CDH4: variants seen among roughly 807,000 people sequenced by gnomAD.
CDH4 encodes the protein cadherin 4.
CDH4 carries 33 observed loss-of-function variants against 86.0 expected under a neutral mutation model. That is an observed-to-expected ratio of 0.38 (90% CI 0.29 to 0.51). The LOEUF (loss-of-function observed/expected upper bound fraction) is 0.51, where lower values mean the gene tolerates loss of function less well. CDH4 is among the 20% of genes least tolerant of loss of function. CDH4 has a pLI of 0.86. For missense variants in CDH4, 1,114 were observed against 1,307.4 expected (o/e 0.85, Z 2.28); for synonymous variants, 555 against 549.4 (o/e 1.01, Z -0.14).
At chr20:61,664,149 G>A in intron 2 of CDH4, among the ~76,000 whole-genome samples, 1 of 152,152 alleles carries the variant, frequency 6.6e-6, no homozygotes, top group East Asian at 1.9e-4. Flanking sequence ...TCTCCCCAGT[G>A]GAAATGCCTC....
At chr20:61,839,425 T>TGA (rs1415036799) in intron 4 of CDH4, among the ~76,000 whole-genome samples, 1 of 151,776 alleles carries the variant, frequency 6.6e-6, no homozygotes, top group Non-Finnish European at 1.5e-5. Flanking sequence ...CGTGTGTGTG[T>TGA]GATGTGTGTG....
intron 2 of CDH4, among the ~76,000 whole-genome samples, chr20:61,333,260 CAT>C (rs1189967770): frequency 2.0e-4 from 17 of 85,822 alleles, no homozygotes; most frequent in African/African-American, 5.4e-4. Flanking sequence ...TGCACACACA[CAT>C]GTACACACAC....
In CDH4 at chr20:61,848,435, A is replaced by G. The variant is rs528573153; in HGVS notation, c.732+3612A>G. ...CACTCAGGCTGGAATGCAGTGGTGC[A>G]ATCTCAGCTTACTGTAGCCTCAACC... On this transcript the variant is annotated intron_variant, in intron 5 of 15. Transcript: ENST00000614565. Among the ~76,000 whole-genome samples, 32 of 152,286 alleles carry G rather than the reference A, an allele frequency of 2.1e-4. No individual in the cohort carries two copies. The South Asian group carries it at 6.6e-3, about 32-fold the overall frequency.
At chr20:61,374,002 A>G (rs2084853564) in intron 2 of CDH4, among the ~76,000 whole-genome samples, 1 of 152,138 alleles carries the variant, frequency 6.6e-6, no homozygotes, top group South Asian at 2.1e-4. Flanking sequence ...TGTGGCTGGC[A>G]GTGCGCACGG....
chr20:61,439,328 G>C (rs901478737), intron 2 of CDH4, among the ~76,000 whole-genome samples: 1 of 148,690 alleles, frequency 6.7e-6, no homozygotes, highest in Non-Finnish European at 1.5e-5. Context: ...GCTCAGAGGC[G>C]TCAAACAGCT....
intron 2 of CDH4, among the ~76,000 whole-genome samples, chr20:61,556,384 G>A (rs534125280): frequency 4.6e-5 from 7 of 152,228 alleles, no homozygotes; most frequent in South Asian, 4.2e-4. Context: ...GGGTGGAGAC[G>A]GGGATGACAC....
At chr20:61,504,510 T>G (rs1227198567) in intron 2 of CDH4, among the ~76,000 whole-genome samples, 1 of 152,156 alleles carries the variant, frequency 6.6e-6, no homozygotes, top group Non-Finnish European at 1.5e-5. Context: ...GGGTGGCTTT[T>G]GAAGCCCATA....
At chr20:61,716,961 C>T (rs369889243) in intron 2 of CDH4, among the ~76,000 whole-genome samples, 1 of 152,084 alleles carries the variant, frequency 6.6e-6, no homozygotes, top group East Asian at 1.9e-4. Flanking sequence ...TATAACTGAC[C>T]TTGAGGCTGT....
intron 4 of CDH4, among the ~76,000 whole-genome samples, chr20:61,781,981 A>G (rs1978570546): frequency 1.3e-5 from 2 of 152,200 alleles, no homozygotes; most frequent in African/African-American, 4.8e-5. Flanking sequence ...CTACCAACCA[A>G]GAGTTTTATA....
chr20:61,358,880 C>T (rs74346868), intron 2 of CDH4, among the ~76,000 whole-genome samples: 4 of 152,154 alleles, frequency 2.6e-5, no homozygotes, highest in Non-Finnish European at 4.4e-5. Flanking sequence ...GCATGCTCAC[C>T]GTCAGTTTCA....
intron 11 of CDH4, among the ~76,000 whole-genome samples, chr20:61,926,715 A>G (rs2055048246): frequency 6.6e-6 from 1 of 152,196 alleles, no homozygotes; most frequent in South Asian, 2.1e-4. Flanking sequence ...TACTAAAAAA[A>G]TACAAAAATT....
At chr20:61,514,306 G>GCCCCCCCCCCCCCCCCCCCCCCCCCCC (rs1215793319) in intron 2 of CDH4, among the ~76,000 whole-genome samples, 1 of 125,816 alleles carries the variant, frequency 7.9e-6, no homozygotes, top group African/African-American at 3.2e-5. Flanking sequence ...GCCTCAGTCC[G>GCCCCCCCCCCCCCCCCCCCCCCCCCCC]CCCCCCCCGC....
In CDH4 at chr20:61,866,180, T is replaced by A. The variant is rs573104588; in HGVS notation, c.878-7548T>A. Among the ~76,000 whole-genome samples the A allele has an allele frequency of 2.0e-5, 3 of 152,204 alleles. No homozygotes were observed. The South Asian group carries it at 6.2e-4, about 32-fold the overall frequency. On this transcript the variant is annotated intron_variant, in intron 6 of 15. Coordinates refer to ENST00000614565, the MANE Select transcript of CDH4 (RefSeq NM_001794.5). Reference sequence around the variant, plus strand: ...CACCCCCTGGCATGGGGGATTTTGTTTATGAGCTTCAGCCCCTGGGGTATA... The same window carrying A: ...CACCCCCTGGCATGGGGGATTTTGTATATGAGCTTCAGCCCCTGGGGTATA...
chr20:61,679,637 G>A (rs565957107), intron 2 of CDH4, among the ~76,000 whole-genome samples: 1 of 152,348 alleles, frequency 6.6e-6, no homozygotes, highest in African/African-American at 2.4e-5. Context: ...TGCGGGGCAG[G>A]TGAGCAGCTG....
chr20:61,776,389 G>GGT (rs1401074232), intron 4 of CDH4, among the ~76,000 whole-genome samples: 2 of 152,168 alleles, frequency 1.3e-5, no homozygotes, highest in East Asian at 3.8e-4. Flanking sequence ...TTTGGCTTTG[G>GGT]GTGTCAGAAT....
At chr20:61,466,560 C>T (rs2085472325) in intron 2 of CDH4, among the ~76,000 whole-genome samples, 4 of 152,162 alleles carry the variant, frequency 2.6e-5, no homozygotes, top group Admixed American at 1.3e-4. Context: ...TCATTCTTTC[C>T]TGGCTGGGCA....
In CDH4 at chr20:61,275,705, G is replaced by A. The variant is rs141567968; in HGVS notation, c.169+20768G>A. ...TGTGCAGTTTGGGGGAGTACCGTGC[G>A]CAGTTTGGGGGCGTATCATGTGCAG... On this transcript the variant is annotated intron_variant, in intron 2 of 15. Transcript: ENST00000614565. Among the ~76,000 whole-genome samples, 916 of 144,058 alleles carry A rather than the reference G, an allele frequency of 6.4e-3. 14 individuals are homozygous for A. The highest frequency in any genetic ancestry group is 0.025 in the South Asian group (110 of 4,426). 94.5% of individuals were successfully genotyped at this position (144,058 alleles called of 152,430 possible). A position where few individuals can be genotyped will look rare whatever the true frequency, so the allele number is the denominator to read the frequency against.
intron 2 of CDH4, among the ~76,000 whole-genome samples, chr20:61,697,939 G>T (rs184752102): frequency 1.3e-5 from 2 of 152,358 alleles, no homozygotes; most frequent in East Asian, 3.9e-4. Context: ...CCTCCCTGCA[G>T]AGCCAGGGCT....
chr20:61,885,437 C>T (rs1297076502), intron 7 of CDH4, among the ~76,000 whole-genome samples: 4 of 152,202 alleles, frequency 2.6e-5, no homozygotes, highest in African/African-American at 9.6e-5. Context: ...TCTCACCGAG[C>T]GTCACCGTGG....
Sources: gnomAD v4.1 joint callset for allele counts (sites outside exome capture counted in the v4.1 genomes callset) on GRCh38, gnomAD v4.1.1 for gene constraint, MANE v1.5 for transcripts, NCBI Gene and HGNC (gene_info 2026-07-23, HGNC 2026-07-21) for gene names.